The following CCDC178 variants were observed in gnomAD, a reference collection of about 807,000 sequenced individuals.
CCDC178 encodes the protein coiled-coil domain containing 178.
A neutral mutation model predicts 117.4 loss-of-function variants in CCDC178; 126 were observed. The ratio of observed to expected loss-of-function variants is 1.07; its 90% CI spans 0.93 to 1.24. CCDC178 has a LOEUF of 1.24. Ranked by LOEUF, CCDC178 falls within the 50% of genes most tolerant of loss-of-function variation. The pLI, the probability that CCDC178 is intolerant of heterozygous loss-of-function variation, is 0.00. For missense variants in CCDC178, 1,030 were observed against 986.9 expected, an observed-to-expected ratio of 1.04 and a Z score of -0.59; for synonymous variants, 283 against 313.4, an observed-to-expected ratio of 0.90 and a Z score of 1.02.
At chr18:32,983,346 C>T in intron 21 of CCDC178, 1 of 1,520,828 alleles carries the variant, frequency 6.6e-7, no homozygotes, top group African/African-American at 1.4e-5. Flanking sequence ...GGTAAGAAGC[C>T]TGCAACCTAA....
chr18:33,019,870 G>A (rs1267165439), intron 21 of CCDC178, among the ~76,000 whole-genome samples: 1 of 150,770 alleles, frequency 6.6e-6, no homozygotes. Context: ...CCATTGATGT[G>A]AAAACATAGA....
intron 17 of CCDC178, 57 bp from the exon 18 acceptor site, chr18:33,223,276 T>A: frequency 6.7e-7 from 1 of 1,502,770 alleles, no homozygotes; most frequent in Non-Finnish European, 8.9e-7. Context: ...TATCCTCATT[T>A]AGGCCAAATC....
At position 33,353,700 on chromosome 18, in the gene CCDC178, T is replaced by C. The variant is rs551632769; in HGVS notation, c.371+2624A>G. ...TGTTCCTTTATGTCTCTGCTCTTTC[T>C]CTTATGGTGTCAATTTCACAAATTA... On this transcript the variant is annotated intron_variant, in intron 7 of 22. Coordinates refer to ENST00000383096, the MANE Select transcript of CCDC178 (RefSeq NM_001105528.4). Among the ~76,000 whole-genome samples, 5 of 152,274 alleles carry C rather than the reference T, an allele frequency of 3.3e-5. No individual in the cohort carries two copies. In the South Asian group the frequency reaches 1.0e-3, roughly 32 times the overall value.
chr18:33,347,615 C>T (rs1412163312), intron 8 of CCDC178, among the ~76,000 whole-genome samples: 2 of 152,078 alleles, frequency 1.3e-5, no homozygotes, highest in African/African-American at 2.4e-5. Flanking sequence ...ATTCACTCAA[C>T]ACTTGTTCTC....
intron 15 of CCDC178, among the ~76,000 whole-genome samples, chr18:33,240,645 T>C (rs1256475336): frequency 6.6e-6 from 1 of 151,820 alleles, no homozygotes; most frequent in Non-Finnish European, 1.5e-5. Flanking sequence ...TCTACCAAGA[T>C]TGAATCAAGA....
At chr18:33,419,215 A>T (rs1017170792) in intron 2 of CCDC178, among the ~76,000 whole-genome samples, 1 of 152,072 alleles carries the variant, frequency 6.6e-6, no homozygotes, top group African/African-American at 2.4e-5. Context: ...AATAAATAGT[A>T]CTGGGATAAC....
intron 4 of CCDC178, among the ~76,000 whole-genome samples, chr18:33,394,943 G>GTATGTGTATATATA (rs1555697671): frequency 1.6e-5 from 1 of 61,496 alleles, no homozygotes; most frequent in Non-Finnish European, 3.0e-5. Flanking sequence ...ATATGTATGT[G>GTATGTGTATATATA]TATATATATA....
rs549418476 is a variant in CCDC178 at position 33,248,311 on chromosome 18, T to C, written c.1410-2883A>G. Among the ~76,000 whole-genome samples, 17 of 152,050 alleles carry C rather than the reference T, an allele frequency of 1.1e-4. No individual in the cohort carries two copies. In the East Asian group the frequency reaches 3.3e-3, roughly 30 times the overall value. ...TTTATACTTTAACTTCTAGGGTACATGTGCACAATGTGCAGGTTTGTTACA... is the reference window on the plus strand; with the variant it reads ...TTTATACTTTAACTTCTAGGGTACACGTGCACAATGTGCAGGTTTGTTACA... On this transcript the variant is annotated intron_variant, in intron 14 of 22. Coordinates refer to ENST00000383096, the MANE Select transcript of CCDC178 (RefSeq NM_001105528.4).
In CCDC178 at chr18:32,974,698, G is replaced by T; in HGVS notation, c.2389-17C>A. ...CTGACAGAGCTAAAGGGAAGAGGGA[G>T]GGGAGAAAACACAAGTCAGAGGAGG... On this transcript the variant is annotated splice_polypyrimidine_tract_variant and intron_variant, in intron 21 of 22. Coordinates refer to ENST00000383096, the MANE Select transcript of CCDC178 (RefSeq NM_001105528.4). 6.2e-7 allele frequency: 1 copy of T among 1,610,434 alleles called. No individual in the cohort carries two copies. The highest frequency in any genetic ancestry group is 8.5e-7 in the Non-Finnish European group (1 of 1,179,286).
chr18:33,291,184 T>C (rs542082910), intron 12 of CCDC178, among the ~76,000 whole-genome samples: 1 of 152,198 alleles, frequency 6.6e-6, no homozygotes, highest in East Asian at 1.9e-4. Context: ...TGGGAAAATT[T>C]CTTAAACAAG....
intron 20 of CCDC178, among the ~76,000 whole-genome samples, chr18:33,205,599 A>G (rs568371472): frequency 6.6e-6 from 1 of 152,328 alleles, no homozygotes; most frequent in East Asian, 1.9e-4. Flanking sequence ...GAAATATAAG[A>G]ACTTTGAATA....
chr18:33,327,800 T>C lies in CCDC178; in HGVS notation c.880-4167A>G, dbSNP rs533095595. Among the ~76,000 whole-genome samples, 4 of 152,252 alleles carry C rather than the reference T, an allele frequency of 2.6e-5. No homozygotes were observed. In the East Asian group the frequency reaches 5.8e-4, roughly 22 times the overall value. On this transcript the variant is annotated intron_variant, in intron 10 of 22. Transcript: ENST00000383096. The stretch of plus-strand genomic sequence containing the variant: ...ACTATGAACAGATATATAACAGATA[T>C]ATGTATATCTGTTCATGGCAAGTTC...
At chr18:33,162,403 T>G (rs781422235) in intron 20 of CCDC178, among the ~76,000 whole-genome samples, 1 of 152,196 alleles carries the variant, frequency 6.6e-6, no homozygotes, top group African/African-American at 2.4e-5. Flanking sequence ...AGCTGAAATA[T>G]TCTCAACATA....
intron 11 of CCDC178, among the ~76,000 whole-genome samples, chr18:33,320,326 T>C (rs1413519320): frequency 2.6e-5 from 4 of 152,210 alleles, no homozygotes; most frequent in African/African-American, 9.7e-5. Context: ...GACGACATGA[T>C]TGTATATTTA....
At chr18:32,980,052 G>A (rs2055115470) in intron 21 of CCDC178, among the ~76,000 whole-genome samples, 1 of 152,214 alleles carries the variant, frequency 6.6e-6, no homozygotes, top group East Asian at 1.9e-4. Context: ...AAAGTAGATT[G>A]AAATGAGGAA....
rs557328016 is a variant in CCDC178 at position 33,322,551 on chromosome 18, T to G, written c.1022+940A>C. 2.0e-5 allele frequency among the ~76,000 whole-genome samples: 3 copies of G among 151,806 alleles called. No homozygotes were observed. In the South Asian group the frequency reaches 6.2e-4, roughly 31 times the overall value. On this transcript the variant is annotated intron_variant, in intron 11 of 22. Coordinates refer to ENST00000383096, the MANE Select transcript of CCDC178 (RefSeq NM_001105528.4). ...TTTTCTCACGGAAATACAATTCAAC[T>G]GGAAAGCAATAATAAAAATTAATTA...
At chr18:33,344,298 G>A (rs1217675029) in intron 9 of CCDC178, among the ~76,000 whole-genome samples, 2 of 120,774 alleles carry the variant, frequency 1.7e-5, no homozygotes, top group Admixed American at 9.4e-5. Flanking sequence ...GCGACAGAGC[G>A]AGACTCCGTC....
At chr18:33,305,240 A>T (rs1216040527) in intron 11 of CCDC178, among the ~76,000 whole-genome samples, 1 of 152,216 alleles carries the variant, frequency 6.6e-6, no homozygotes, top group South Asian at 2.1e-4. Flanking sequence ...CCAGCAAAGG[A>T]CATGCATTAG....
chr18:33,307,358 T>G (rs1227931209), intron 11 of CCDC178, among the ~76,000 whole-genome samples: 1 of 152,172 alleles, frequency 6.6e-6, no homozygotes, highest in East Asian at 1.9e-4. Flanking sequence ...GGAGCAAAAG[T>G]TACTCTTGCT....
Sources: allele counts gnomAD v4.1 joint callset (sites outside exome capture counted in the v4.1 genomes callset), GRCh38; gene constraint gnomAD v4.1.1; transcripts MANE v1.5; gene names NCBI Gene and HGNC (gene_info 2026-07-23, HGNC 2026-07-21).